UNC5C: variants seen among roughly 807,000 people sequenced by gnomAD.
UNC5C encodes the protein unc-5 netrin receptor C, also known as netrin receptor UNC5C.
In UNC5C, 47 loss-of-function variants were observed where a neutral mutation model predicts 99.8. The ratio of observed to expected loss-of-function variants is 0.47; its 90% confidence interval spans 0.37 to 0.60. UNC5C has a LOEUF of 0.60. Among genes scored for constraint, UNC5C ranks in the 20% least tolerant of loss-of-function variants. The pLI is 0.00. For synonymous variants in UNC5C, 487 were observed against 452.2 expected (o/e 1.08, Z -0.98); for missense variants, 1,062 against 1,165.9 (o/e 0.91, Z 1.30).
intron 1 of UNC5C, among the ~76,000 whole-genome samples, chr4:95,439,199 T>C (rs1223280880): frequency 1.3e-5 from 2 of 152,168 alleles, no homozygotes; most frequent in Non-Finnish European, 2.9e-5. Context: ...CAATCTGCTT[T>C]ATCAAGGCTG....
Position 95,201,825 on chromosome 4 carries a change from T to C in UNC5C, c.2136+906A>G, listed in dbSNP as rs192673726. Among the ~76,000 whole-genome samples the C allele has an allele frequency of 3.1e-3, 476 of 152,228 alleles. 4 individuals carry two copies. The highest frequency in any genetic ancestry group is 0.02 in the Middle Eastern group (6 of 294). On this transcript the variant is annotated intron_variant, in intron 12 of 15. Transcript: ENST00000453304. The stretch of plus-strand genomic sequence containing the variant: ...TTCACCGTGTTAGCCAGGATGGTCT[T>C]GATCTCCTGACCTCGTGATCCACCC...
In UNC5C at chr4:95,166,201, AG is replaced by A. The variant is rs1442145897; in HGVS notation, c.*3032del. The A allele has an allele frequency of 2.0e-5, 3 of 152,232 alleles. No individual in the cohort carries two copies. Among genetic ancestry groups the A allele is most frequent in the Admixed American group, 6.5e-5 (1 of 15,290 alleles). The allele number at this position is 152,232 out of a possible 1,614,324, so 9.4% of individuals were successfully genotyped here. On this transcript the variant is annotated 3_prime_UTR_variant, in exon 16 of 16. Transcript: ENST00000453304. ...CCTCTCCAGCGGTGTAGAAAGAAGC[AG>A]GATGTATCACATAGAATGGTTGATG...
intron 1 of UNC5C, among the ~76,000 whole-genome samples, chr4:95,389,546 T>C (rs896926563): frequency 3.9e-5 from 6 of 152,144 alleles, no homozygotes; most frequent in African/African-American, 1.4e-4. Flanking sequence ...TATAACTTAT[T>C]AACTGAATTT....
chr4:95,312,689 C>T (rs1221659433), intron 2 of UNC5C, among the ~76,000 whole-genome samples: 1 of 152,158 alleles, frequency 6.6e-6, no homozygotes, highest in Non-Finnish European at 1.5e-5. Context: ...ATTCCTGAAA[C>T]TATGTCTCAG....
At chr4:95,356,259 A>G (rs1251989710) in intron 1 of UNC5C, among the ~76,000 whole-genome samples, 1 of 148,666 alleles carries the variant, frequency 6.7e-6, no homozygotes, top group Non-Finnish European at 1.5e-5. Flanking sequence ...ATTCTTTCCT[A>G]TGGTATACAA....
At chr4:95,339,581 AT>A (rs1366015254) in intron 1 of UNC5C, among the ~76,000 whole-genome samples, 1 of 151,968 alleles carries the variant, frequency 6.6e-6, no homozygotes, top group Admixed American at 6.6e-5. Flanking sequence ...TTACCACTTT[AT>A]TTTTTAATAT....
intron 1 of UNC5C, among the ~76,000 whole-genome samples, chr4:95,495,625 A>G (rs561675075): frequency 1.3e-5 from 2 of 151,738 alleles, no homozygotes; most frequent in Non-Finnish European, 3.0e-5. Context: ...GTTAAAATCC[A>G]TATTTTATGG....
chr4:95,206,757 C>T lies in UNC5C; in HGVS notation c.1773G>A (p.Val591=), dbSNP rs557958199. Residue 591 remains valine (V), a synonymous_variant, in exon 11 of 16, where the codon GTG becomes GTA. Transcript: ENST00000453304. The part of the protein sequence containing the change: ...MDDSQTLLTP[V]VSCGPPGALL... ...GAGCTCCTGGGGGCCCACAGCTCAC[C>T]ACAGGGGTCAAAAGTGTCTGAGAGT... 4 of 1,612,946 alleles carry T rather than the reference C, an allele frequency of 2.5e-6. No homozygotes were observed. Among genetic ancestry groups the T allele is most frequent in the South Asian group, 1.1e-5 (1 of 90,906 alleles).
At chr4:95,291,532 G>T (rs1741450433) in intron 3 of UNC5C, among the ~76,000 whole-genome samples, 1 of 152,124 alleles carries the variant, frequency 6.6e-6, no homozygotes, top group Non-Finnish European at 1.5e-5. Flanking sequence ...ATGAGACTGT[G>T]TTCTATGAAT....
intron 1 of UNC5C, among the ~76,000 whole-genome samples, chr4:95,540,316 A>C (rs997779708): frequency 6.6e-6 from 1 of 152,194 alleles, no homozygotes; most frequent in Non-Finnish European, 1.5e-5. Flanking sequence ...ATACTGATCT[A>C]GGGTCTCTAT....
At chr4:95,535,718 T>G (rs777189963) in intron 1 of UNC5C, among the ~76,000 whole-genome samples, 1 of 152,192 alleles carries the variant, frequency 6.6e-6, no homozygotes, top group Non-Finnish European at 1.5e-5. Context: ...AGGTGTCAGA[T>G]GAATATATTT....
chr4:95,487,727 A>G (rs2629831), intron 1 of UNC5C, among the ~76,000 whole-genome samples: 11,422 of 151,780 alleles, frequency 0.075, 582 homozygotes, highest in Admixed American at 0.14. Flanking sequence ...CTAAATTAAG[A>G]AAATACACGT....
chr4:95,372,323 C>T (rs1170473569), intron 1 of UNC5C, among the ~76,000 whole-genome samples: 2 of 152,254 alleles, frequency 1.3e-5, no homozygotes, highest in African/African-American at 2.4e-5. Context: ...AAGTAAATTG[C>T]TTAATACATT....
intron 1 of UNC5C, among the ~76,000 whole-genome samples, chr4:95,357,826 A>T (rs1744262727): frequency 6.6e-6 from 1 of 152,076 alleles, no homozygotes; most frequent in African/African-American, 2.4e-5. Flanking sequence ...CAACCACAAA[A>T]AACACTAATA....
chr4:95,260,069 A>T (rs982459216), intron 4 of UNC5C, among the ~76,000 whole-genome samples: 1 of 152,094 alleles, frequency 6.6e-6, no homozygotes, highest in Non-Finnish European at 1.5e-5. Context: ...AAGTACACCT[A>T]TGTTGGTCCT....
chr4:95,353,411 T>G (rs539670987), intron 1 of UNC5C, among the ~76,000 whole-genome samples: 1 of 151,956 alleles, frequency 6.6e-6, no homozygotes, highest in Non-Finnish European at 1.5e-5. Context: ...AAAATATGCA[T>G]GCATTATATA....
chr4:95,176,848 C>T (rs1444187440), intron 14 of UNC5C, among the ~76,000 whole-genome samples: 2 of 152,248 alleles, frequency 1.3e-5, no homozygotes, highest in African/African-American at 4.8e-5. Flanking sequence ...AGCCTCGCTG[C>T]CGCCTTGCAG....
intron 9 of UNC5C, among the ~76,000 whole-genome samples, chr4:95,217,719 A>C (rs139277835): frequency 1.3e-5 from 2 of 152,342 alleles, no homozygotes; most frequent in East Asian, 1.9e-4. Flanking sequence ...GGCAGAATCC[A>C]ATACATTTCA....
intron 12 of UNC5C, among the ~76,000 whole-genome samples, chr4:95,201,165 C>G (rs1737639207): frequency 6.6e-6 from 1 of 152,144 alleles, no homozygotes; most frequent in Admixed American, 6.5e-5. Context: ...GCCACCCAGT[C>G]CGTGGTACTT....
Sources: allele counts gnomAD v4.1 joint callset (sites outside exome capture counted in the v4.1 genomes callset), GRCh38; gene constraint gnomAD v4.1.1; transcripts MANE v1.5; gene names NCBI Gene and HGNC (gene_info 2026-07-23, HGNC 2026-07-21).